Variants in PPIE observed in about 807,000 individuals in gnomAD.
PPIE encodes peptidylprolyl isomerase E, also known as peptidyl-prolyl cis-trans isomerase E.
A neutral mutation model predicts 38.4 loss-of-function variants in PPIE; 20 were observed. That is an observed-to-expected ratio of 0.52 (90% CI 0.37 to 0.76). PPIE has a LOEUF of 0.76. PPIE is among the 30% of genes least tolerant of loss of function. The probability of loss-of-function intolerance (pLI) is 0.00; values close to 1 mark genes in which losing one functional copy is unlikely to be tolerated. For missense variants in PPIE, 322 were observed against 385.8 expected (o/e 0.83, Z 1.39); for synonymous variants, 142 against 135.7 (o/e 1.05, Z -0.32).
rs539300731 is a variant in PPIE at position 39,762,893 on chromosome 1, C to T, written c.838-796C>T. ...GTTCACGTATGTCCGTGTTTGGGTGCGAGTCTACGTGTAGTGTGGCTGTAT... is the reference window on the plus strand; with the variant it reads ...GTTCACGTATGTCCGTGTTTGGGTGTGAGTCTACGTGTAGTGTGGCTGTAT... On this transcript the variant is annotated intron_variant, in intron 9 of 9. Coordinates refer to the PPIE transcript ENST00000356511. 1.4e-4 allele frequency among the ~76,000 whole-genome samples: 22 copies of T among 152,330 alleles called. No individual in the cohort carries two copies. In the South Asian group the frequency reaches 3.5e-3, roughly 24 times the overall value.
At chr1:39,750,042 A>T (rs571433866) in intron 8 of PPIE, among the ~76,000 whole-genome samples, 2 of 152,200 alleles carry the variant, frequency 1.3e-5, no homozygotes, top group Admixed American at 1.3e-4. Flanking sequence ...CTGAGGCAGG[A>T]GAATCACTTG....
At chr1:39,744,399 C>T (rs1234676623) in intron 6 of PPIE, among the ~76,000 whole-genome samples, 2 of 152,232 alleles carry the variant, frequency 1.3e-5, no homozygotes, top group Non-Finnish European at 2.9e-5. Context: ...TGCTGGGGCA[C>T]TTCCCCCTGA....
intron 9 of PPIE, chr1:39,763,180 C>A (rs1649254726): frequency 1.2e-6 from 2 of 1,613,392 alleles, no homozygotes; most frequent in African/African-American, 2.7e-5. Context: ...GGCCGAGTAG[C>A]CTTGGGGAGC....
At chr1:39,747,877 A>G (rs995331191) in intron 7 of PPIE, 1 of 152,092 alleles carries the variant, frequency 6.6e-6, no homozygotes, top group Non-Finnish European at 1.5e-5. Flanking sequence ...CCATTTGTAT[A>G]TCTTCTTTGG....
intron 1 of PPIE, 75 bp from the exon 2 acceptor site, chr1:39,740,090 A>G: frequency 5.1e-6 from 6 of 1,169,922 alleles, no homozygotes; most frequent in Non-Finnish European, 6.4e-6. Context: ...CCTGGCTAGC[A>G]TGCTAACTGG....
downstream of PPIE, chr1:39,758,626 A>T (rs1648543046): frequency 6.6e-6 from 1 of 152,276 alleles, no homozygotes; most frequent in South Asian, 2.1e-4. Flanking sequence ...GAGTTGGTAG[A>T]CAGATTCTTT....
chr1:39,740,089 C>T, intron 1 of PPIE, 76 bp from the exon 2 acceptor site: 1 of 1,141,350 alleles, frequency 8.8e-7, no homozygotes, highest in South Asian at 1.3e-5. Flanking sequence ...CCCTGGCTAG[C>T]ATGCTAACTG....
chr1:39,743,917 C>T lies in PPIE; in HGVS notation c.377C>T (p.Thr126Ile). 3 of 1,610,786 alleles carry T rather than the reference C, an allele frequency of 1.9e-6. No homozygotes were observed. The highest frequency in any genetic ancestry group is 2.5e-6 in the Non-Finnish European group (3 of 1,178,222). Residue 126 changes from threonine to isoleucine, a missense_variant, in exon 6 of 10, where the codon ACC becomes ATC. Thr to Ile is a moderately conservative substitution (Grantham distance 89). Transcript: ENST00000324379. ...GGGTCAGAGCCTCCCAAAGCAGAGA[C>T]CCAGGAGGTGAGAATGAAGCTCCTG... ...EEGSEPPKAE[T>I]QEGEPIAKKA...
downstream of PPIE, chr1:39,760,407 G>A (rs566745642): frequency 3.3e-5 from 54 of 1,613,380 alleles, no homozygotes; most frequent in East Asian, 8.9e-5. Flanking sequence ...CAGCTGGGCC[G>A]GGCGGGTGGA....
intron 1 of PPIE, chr1:39,739,390 G>A (rs2124279252): frequency 6.2e-6 from 1 of 162,234 alleles, no homozygotes; most frequent in East Asian, 1.8e-4. Context: ...TGGCCCTTCG[G>A]ATCCTCTCGT....
Position 39,738,896 on chromosome 1 carries a change from G to C in PPIE, c.-5G>C. The C allele has an allele frequency of 6.6e-7, 1 of 1,514,424 alleles. No homozygotes were observed. Among genetic ancestry groups the C allele is most frequent in the Non-Finnish European group, 8.8e-7 (1 of 1,133,470 alleles). 93.8% of individuals were successfully genotyped at this position (1,514,424 alleles called of 1,614,324 possible). ...TGGCTTCCGGCGGAAAAGCGCGCGAGCAAGATGGCCACCACCAAGCGCGTC... is the reference window on the plus strand; with the variant it reads ...TGGCTTCCGGCGGAAAAGCGCGCGACCAAGATGGCCACCACCAAGCGCGTC... On this transcript the variant is annotated 5_prime_UTR_variant, in exon 1 of 10. Coordinates refer to ENST00000324379, the MANE Select transcript of PPIE (RefSeq NM_006112.4).
At chr1:39,760,739 C>T (rs1648844029), downstream of PPIE, among the ~76,000 whole-genome samples, 1 of 152,088 alleles carries the variant, frequency 6.6e-6, no homozygotes, top group African/African-American at 2.4e-5. Context: ...CTCAAGGCTC[C>T]AGGAGTGGGA....
chr1:39,752,517 G>A (rs749375388), intron 8 of PPIE, among the ~76,000 whole-genome samples: 2 of 152,068 alleles, frequency 1.3e-5, no homozygotes, highest in Non-Finnish European at 2.9e-5. Flanking sequence ...ATTCTCTTAC[G>A]TGACAAATGT....
chr1:39,752,464 TACATG>T (rs1260063603), intron 8 of PPIE, among the ~76,000 whole-genome samples: 3 of 152,192 alleles, frequency 2.0e-5, no homozygotes, highest in Non-Finnish European at 1.5e-5. Flanking sequence ...CACACATACA[TACATG>T]TACACATACA....
intron 6 of PPIE, among the ~76,000 whole-genome samples, chr1:39,745,069 T>A (rs2124318200): frequency 6.6e-6 from 1 of 152,326 alleles, no homozygotes; most frequent in Admixed American, 6.5e-5. Context: ...AGAAAAGTGC[T>A]GTTCTGTGAC....
At chr1:39,743,463 A>G (rs1452707467) in intron 5 of PPIE, among the ~76,000 whole-genome samples, 166 bp downstream of exon 5, 1 of 152,178 alleles carries the variant, frequency 6.6e-6, no homozygotes, top group Non-Finnish European at 1.5e-5. Flanking sequence ...TTTTAGAGAA[A>G]CAAGTGAGTT....
In PPIE at chr1:39,762,467, C is replaced by T. The variant is rs1441274193; in HGVS notation, c.838-1222C>T. The T allele has an allele frequency of 3.3e-6, 5 of 1,520,956 alleles. No individual in the cohort carries two copies. In the South Asian group the frequency reaches 3.8e-5, roughly 12 times the overall value. The allele number at this position is 1,520,956 out of a possible 1,614,324, so 94.2% of individuals were successfully genotyped here. ...ATCCACAAACACACAGAGCACTCAA[C>T]AGTGAGCAGCACCAGTGATCCCATC... On this transcript the variant is annotated intron_variant, in intron 9 of 9. Coordinates refer to the PPIE transcript ENST00000356511.
chr1:39,740,148 C>G lies in PPIE; in HGVS notation c.32-17C>G. On this transcript the variant is annotated splice_polypyrimidine_tract_variant and intron_variant, in intron 1 of 9. Coordinates refer to ENST00000324379, the MANE Select transcript of PPIE (RefSeq NM_006112.4). ...TATGGAGATCAGTGGCTCAGAAGGC[C>G]CTTGGCTTATTTGCAGGTGGACTGG... is the stretch of plus-strand genomic sequence containing the variant. The G allele has an allele frequency of 6.2e-7, 1 of 1,609,400 alleles. No individual in the cohort carries two copies. The highest frequency in any genetic ancestry group is 8.5e-7 in the Non-Finnish European group (1 of 1,175,770).
rs1290102187 is a variant in PPIE at position 39,741,371 on chromosome 1, C to T, written c.136C>T (p.His46Tyr). 7 of 1,613,954 alleles carry T rather than the reference C, an allele frequency of 4.3e-6. No individual in the cohort carries two copies. Among genetic ancestry groups the T allele is most frequent in the Non-Finnish European group, 5.9e-6 (7 of 1,179,892 alleles). ...TTTGTTTTTCCATTTTGTAGAAAAG[C>T]ACCGAGGATTTGCTTTTGTTGAATT... Reference protein sequence around the residue: ...QIPLDYETEKHRGFAFVEFEL... With the variant: ...QIPLDYETEKYRGFAFVEFEL... The change falls in exon 3 of 10, where the codon CAC (histidine) becomes TAC (tyrosine). Residue 46 changes from histidine to tyrosine, a missense_variant. Physicochemically the swap from His to Tyr is moderately conservative, Grantham distance 83. Coordinates refer to ENST00000324379, the MANE Select transcript of PPIE (RefSeq NM_006112.4).
Sources: allele counts gnomAD v4.1 joint callset (sites outside exome capture counted in the v4.1 genomes callset), GRCh38; gene constraint gnomAD v4.1.1; transcripts MANE v1.5; gene names NCBI Gene and HGNC (gene_info 2026-07-23, HGNC 2026-07-21).